The following PTPRE variants were observed in gnomAD, a reference collection of about 807,000 sequenced individuals.
PTPRE encodes protein tyrosine phosphatase receptor type E, also known as receptor-type tyrosine-protein phosphatase epsilon.
In PTPRE, 51 loss-of-function variants were observed where a neutral mutation model predicts 102.0. The observed-to-expected ratio is 0.50, with a 90% CI of 0.40 to 0.63. PTPRE has a LOEUF of 0.63. PTPRE is among the 30% of genes least tolerant of loss of function. The pLI is 0.00. For missense variants in PTPRE, 752 were observed against 915.1 expected, an observed-to-expected ratio of 0.82 and a Z score of 2.30; for synonymous variants, 345 against 348.2, an observed-to-expected ratio of 0.99 and a Z score of 0.10.
intron 3 of PTPRE, among the ~76,000 whole-genome samples, chr10:128,041,872 C>T (rs1190164523): frequency 2.0e-5 from 3 of 152,010 alleles, no homozygotes; most frequent in African/African-American, 7.2e-5. Flanking sequence ...CACATGATTC[C>T]CTAACCCTGG....
At chr10:128,049,796 G>A in intron 6 of PTPRE, 130 bp downstream of exon 6, 7 of 1,303,146 alleles carry the variant, frequency 5.4e-6, no homozygotes, top group Non-Finnish European at 7.3e-6. Context: ...TCCCATGAAT[G>A]GGCGTGTGAG....
In PTPRE at chr10:128,084,593, T is replaced by C. The variant is rs1396983243; in HGVS notation, c.*1687T>C. On this transcript the variant is annotated 3_prime_UTR_variant, in exon 21 of 21. Transcript: ENST00000254667. ...GCTGCATGCCTGGGCTGCACACTGC[T>C]GAACGTGCTCCTCTCTCCTTCTCTG... 6.6e-6 allele frequency: 1 copy of C among 152,512 alleles called. No individual in the cohort carries two copies. The highest frequency in any genetic ancestry group is 1.5e-5 in the Non-Finnish European group (1 of 68,228). 9.4% of individuals were successfully genotyped at this position (152,512 alleles called of 1,614,324 possible). A position where few individuals can be genotyped will look rare whatever the true frequency, so the allele number is the denominator to read the frequency against.
At position 128,083,606 on chromosome 10, in the gene PTPRE, G is replaced by A. The variant is rs946876371; in HGVS notation, c.*700G>A. The A allele has an allele frequency of 2.0e-5, 3 of 152,148 alleles. No individual in the cohort carries two copies. The highest frequency in any genetic ancestry group is 7.2e-5 in the African/African-American group (3 of 41,406). The allele number at this position is 152,148 out of a possible 1,614,324, so 9.4% of individuals were successfully genotyped here. ...ATGCTGGGTGGTCCCGTTGACCCAC[G>A]GCGTTGGGTACAACAAAACCAGCCA... On this transcript the variant is annotated 3_prime_UTR_variant, in exon 21 of 21. Transcript: ENST00000254667.
In PTPRE at chr10:128,068,278, C is replaced by T. The variant is rs1232619084; in HGVS notation, c.999C>T (p.Val333=). ...LNPVHAGPIV[V]HCSAGVGRTG... ...CCGTGCACGCTGGGCCCATCGTGGTCCACTGTAGGTACGCTGTGGGGGCCA... is the reference window on the plus strand; with the variant it reads ...CCGTGCACGCTGGGCCCATCGTGGTTCACTGTAGGTACGCTGTGGGGGCCA... The change falls in exon 12 of 21, where the codon GTC becomes GTT. Residue 333 remains valine, a synonymous_variant. Transcript: ENST00000254667. 6.2e-7 allele frequency: 1 copy of T among 1,613,128 alleles called. No individual in the cohort carries two copies. The highest frequency in any genetic ancestry group is 1.7e-5 in the Admixed American group (1 of 59,974).
chr10:127,974,005 G>A (rs1850957120), intron 1 of PTPRE, among the ~76,000 whole-genome samples: 1 of 152,174 alleles, frequency 6.6e-6, no homozygotes, highest in African/African-American at 2.4e-5. Flanking sequence ...CATTAGTCAG[G>A]AATCCACAGT....
At chr10:128,014,680 G>A (rs1845279250) in intron 2 of PTPRE, among the ~76,000 whole-genome samples, 1 of 152,096 alleles carries the variant, frequency 6.6e-6, no homozygotes, top group African/African-American at 2.4e-5. Context: ...GTTGCTTTGA[G>A]TCAGGAAGAA....
intron 1 of PTPRE, among the ~76,000 whole-genome samples, chr10:127,980,338 CTTT>C (rs11336623): frequency 0.19 from 28,050 of 143,944 alleles, 2,647 homozygotes; most frequent in Non-Finnish European, 0.22. Flanking sequence ...TATACAAATC[CTTT>C]TTTTTTTTTT....
At chr10:127,968,280 A>G (rs1481752746) in intron 1 of PTPRE, among the ~76,000 whole-genome samples, 2 of 152,246 alleles carry the variant, frequency 1.3e-5, no homozygotes, top group Non-Finnish European at 2.9e-5. Flanking sequence ...AGTCAGGACA[A>G]TGAAGAGAGG....
chr10:128,070,508 A>G lies in PTPRE; in HGVS notation c.1293+58A>G, dbSNP rs1431457182. The G allele has an allele frequency of 2.0e-5, 32 of 1,570,196 alleles. No homozygotes were observed. The South Asian group carries it at 3.5e-4, about 17-fold the overall frequency. On this transcript the variant is annotated intron_variant, in intron 14 of 20. Coordinates refer to ENST00000254667, the MANE Select transcript of PTPRE (RefSeq NM_006504.6). The surrounding 1 kb of genome is among the most constrained non-coding windows in gnomAD (Gnocchi z 4.8). ...TGTAAGCAGCCAAGGGCACGAGGAA[A>G]ACAGGTGACCATTTAAAGGAAGCCT...
intron 1 of PTPRE, among the ~76,000 whole-genome samples, chr10:127,956,507 G>C (rs118030357): frequency 1.3e-5 from 2 of 152,152 alleles, no homozygotes; most frequent in African/African-American, 4.8e-5. Context: ...CCAAGTTTGG[G>C]CAATTAAGAA....
chr10:128,031,620 T>C (rs1453545580), intron 2 of PTPRE, among the ~76,000 whole-genome samples: 2 of 152,328 alleles, frequency 1.3e-5, no homozygotes, highest in East Asian at 3.9e-4. Flanking sequence ...AGCAATGGCC[T>C]TTGGGGGCCA....
At chr10:127,965,732 G>C (rs1251875438) in intron 1 of PTPRE, among the ~76,000 whole-genome samples, 1 of 152,232 alleles carries the variant, frequency 6.6e-6, no homozygotes, top group East Asian at 1.9e-4. Context: ...GTGAGGGTCT[G>C]AGCCTGTGAA....
chr10:128,001,323 A>C lies in PTPRE; in HGVS notation c.-8+19027A>C, dbSNP rs1030505652. Among the ~76,000 whole-genome samples the C allele has an allele frequency of 2.6e-5, 4 of 152,154 alleles. No individual in the cohort carries two copies. In the East Asian group the frequency reaches 7.7e-4, roughly 29 times the overall value. ...TCTTCAGCTTTGGATCTGCTTTCACACTGAGCACTTGGTGTCAGTGTGCTG... is the reference window on the plus strand; with the variant it reads ...TCTTCAGCTTTGGATCTGCTTTCACCCTGAGCACTTGGTGTCAGTGTGCTG... On this transcript the variant is annotated intron_variant, in intron 2 of 20. Transcript: ENST00000254667.
chr10:127,980,592 G>A lies in PTPRE; in HGVS notation c.-30-1682G>A, dbSNP rs2135459891. The stretch of plus-strand genomic sequence containing the variant: ...CTTGCTTTGTTCCCAGTGCTGGGGA[G>A]AGGTATTAAGTCTTTCACCATTAAG... On this transcript the variant is annotated intron_variant, in intron 1 of 20. Coordinates refer to ENST00000254667, the MANE Select transcript of PTPRE (RefSeq NM_006504.6). 2.0e-5 allele frequency among the ~76,000 whole-genome samples: 3 copies of A among 152,254 alleles called. No homozygotes were observed. The East Asian group carries it at 5.8e-4, about 29-fold the overall frequency.
In PTPRE at chr10:127,907,434, G is replaced by C. The variant is rs1845553830; in HGVS notation, c.-31+125G>C. ...GAGGGAGGGGCCGCTCCGGGGCTCA[G>C]AGTCCGGACCCCGGCCCCGCCGCCC... On this transcript the variant is annotated intron_variant, in intron 1 of 20. Transcript: ENST00000254667. The surrounding 1 kb of genome is among the most constrained non-coding windows in gnomAD (Gnocchi z 4.8). 3.2e-5 allele frequency: 23 copies of C among 727,926 alleles called. No homozygotes were observed. The highest frequency in any genetic ancestry group is 3.9e-5 in the Non-Finnish European group (23 of 595,572). 45.1% of individuals were successfully genotyped at this position (727,926 alleles called of 1,614,324 possible).
chr10:128,072,967 T>C (rs1342913602), intron 16 of PTPRE, among the ~76,000 whole-genome samples: 1 of 152,134 alleles, frequency 6.6e-6, no homozygotes, highest in Non-Finnish European at 1.5e-5. Flanking sequence ...CATATTGCCA[T>C]TTGCAGATGA....
chr10:128,020,585 A>T (rs1655116241), intron 2 of PTPRE, among the ~76,000 whole-genome samples: 1 of 152,202 alleles, frequency 6.6e-6, no homozygotes, highest in Admixed American at 6.5e-5. Context: ...GAAAAGAAAA[A>T]CAGCTCGGTT....
intron 1 of PTPRE, among the ~76,000 whole-genome samples, chr10:127,940,091 T>G (rs1180626578): frequency 6.6e-6 from 1 of 151,144 alleles, no homozygotes; most frequent in African/African-American, 2.4e-5. Flanking sequence ...AGGAGCCAGG[T>G]GCGGGCAGGT....
At chr10:128,077,830 CACCCCCCCAGT>C in intron 19 of PTPRE, 47 bp downstream of exon 19, 1 of 1,547,542 alleles carries the variant, frequency 6.5e-7, no homozygotes, top group Middle Eastern at 1.7e-4. Flanking sequence ...ACACAGGCTG[CACCCCCCCAGT>C]ACCCGCAGCT....
Sources: allele counts gnomAD v4.1 joint callset (sites outside exome capture counted in the v4.1 genomes callset), GRCh38; gene constraint gnomAD v4.1.1; non-coding constraint Gnocchi (gnomAD v3.1); transcripts MANE v1.5; gene names NCBI Gene and HGNC (gene_info 2026-07-23, HGNC 2026-07-21).